Variants in BID observed in about 807,000 individuals in gnomAD.
BID encodes BH3 interacting domain death agonist, also known as BH3-interacting domain death agonist.
Under a neutral mutation model 17.4 loss-of-function variants are expected in BID, and 19 were observed. The ratio of observed to expected loss-of-function variants is 1.09; its 90% CI spans 0.76 to 1.60. The LOEUF (loss-of-function observed/expected upper bound fraction) is 1.60. Ranked by LOEUF, BID falls within the 40% of genes most tolerant of loss-of-function variation. The probability of loss-of-function intolerance (pLI) is 0.00; values close to 1 mark genes in which losing one functional copy is unlikely to be tolerated. For synonymous variants in BID, 108 were observed against 102.8 expected (o/e 1.05, Z -0.31); for missense variants, 226 against 256.0 (o/e 0.88, Z 0.80).
At chr22:17,742,477 A>ACCCCCC (rs869083367) in intron 3 of BID, among the ~76,000 whole-genome samples, 3 of 57,046 alleles carry the variant, frequency 5.3e-5, no homozygotes, top group African/African-American at 1.1e-4. Context: ...ACCTCCCCCC[A>ACCCCCC]CCCCCCACCC....
At chr22:17,750,753 G>C (rs1396524707) in intron 1 of BID, among the ~76,000 whole-genome samples, 1 of 152,090 alleles carries the variant, frequency 6.6e-6, no homozygotes, top group African/African-American at 2.4e-5. Context: ...GCATGAACTT[G>C]GGAGGGAGAG....
In BID at chr22:17,738,163, T is replaced by C. The variant is rs1245484966; in HGVS notation, c.430A>G (p.Lys144Glu). Residue 144 changes from lysine to glutamate, a missense_variant, in exon 5 of 6, where the codon AAG becomes GAG. Transcript: ENST00000622694. ...GCCAGCACCAGCATGGTCTTCTCCT[T>C]CTCCATGTCTCTAGGGTAGGCCTGC... ...LLQAYPRDME[K>E]EKTMLVLALL... 5.6e-6 allele frequency: 9 copies of C among 1,613,560 alleles called. No individual in the cohort carries two copies. The highest frequency in any genetic ancestry group is 2.2e-5 in the East Asian group (1 of 44,870).
chr22:17,741,567 G>T (rs184217080), intron 3 of BID, among the ~76,000 whole-genome samples: 1 of 150,916 alleles, frequency 6.6e-6, no homozygotes, highest in Non-Finnish European at 1.5e-5. Flanking sequence ...TCCGCTTCCC[G>T]GGTTCAAACA....
Position 17,757,346 on chromosome 22 carries a change from C to T in BID, c.-58-7172G>A, listed in dbSNP as rs144266167. ...TGAGCCCGGGAGGTGGAGGTTACAG[C>T]GAGCTGAGATCACGCCACTGCACTC... On this transcript the variant is annotated intron_variant, in intron 1 of 5. Coordinates refer to ENST00000622694, the MANE Select transcript of BID (RefSeq NM_001196.4). 6.3e-3 allele frequency among the ~76,000 whole-genome samples: 869 copies of T among 137,172 alleles called. 10 individuals are homozygous for T. The highest frequency in any genetic ancestry group is 0.022 in the African/African-American group (789 of 36,128). The allele number at this position is 137,172 out of a possible 152,430, so 90.0% of individuals were successfully genotyped here.
intron 2 of BID, among the ~76,000 whole-genome samples, chr22:17,746,321 G>A (rs2061494966): frequency 6.6e-6 from 1 of 152,110 alleles, no homozygotes; most frequent in South Asian, 2.1e-4. Flanking sequence ...TGACAAACAT[G>A]TACACGTGCC....
At chr22:17,767,615 C>CTGA (rs1163711687) in intron 1 of BID, among the ~76,000 whole-genome samples, 2 of 152,204 alleles carry the variant, frequency 1.3e-5, no homozygotes, top group Non-Finnish European at 2.9e-5. Context: ...CCACAGAGAA[C>CTGA]TGATCTCTGT....
intron 5 of BID, among the ~76,000 whole-genome samples, chr22:17,735,925 C>G (rs931630359): frequency 6.6e-6 from 1 of 152,178 alleles, no homozygotes; most frequent in African/African-American, 2.4e-5. Context: ...ACCCTTTCCC[C>G]CTTTACATGG....
intron 2 of BID, 84 bp from the exon 3 acceptor site, chr22:17,744,097 C>A: frequency 7.9e-7 from 1 of 1,265,324 alleles, no homozygotes; most frequent in Non-Finnish European, 1.1e-6. Flanking sequence ...GCAGCTGGCC[C>A]AAAGAGCCTC....
chr22:17,749,212 G>C (rs894906031), intron 2 of BID, among the ~76,000 whole-genome samples: 1 of 152,182 alleles, frequency 6.6e-6, no homozygotes, highest in Non-Finnish European at 1.5e-5. Context: ...GTGATGCAGC[G>C]GGTGGGAGAG....
rs535416642 is a variant in BID at position 17,754,013 on chromosome 22, C to T, written c.-58-3839G>A. On this transcript the variant is annotated intron_variant, in intron 1 of 5. Coordinates refer to ENST00000622694, the MANE Select transcript of BID (RefSeq NM_001196.4). ...CTGCCGGACAGGGGTGACATTCCCC[C>T]AGTCTCCAGGACTCTGCCGGACGGG... Among the ~76,000 whole-genome samples the T allele has an allele frequency of 3.3e-5, 5 of 152,060 alleles. No homozygotes were observed. The East Asian group carries it at 9.7e-4, about 30-fold the overall frequency.
Position 17,735,571 on chromosome 22 carries a change from A to G in BID, c.*9T>C, listed in dbSNP as rs1238709610. On this transcript the variant is annotated 3_prime_UTR_variant, in exon 6 of 6. Coordinates refer to ENST00000622694, the MANE Select transcript of BID (RefSeq NM_001196.4). Reference sequence around the variant, plus strand: ...AGCTTTAGCCAGTCACACTTCTGGAACTGTCCGTTCAGTCCATCCCCTAGA... The same window carrying G: ...AGCTTTAGCCAGTCACACTTCTGGAGCTGTCCGTTCAGTCCATCCCCTAGA... 2.5e-6 allele frequency: 4 copies of G among 1,614,188 alleles called. No homozygotes were observed. Among genetic ancestry groups the G allele is most frequent in the Non-Finnish European group, 3.4e-6 (4 of 1,180,036 alleles).
chr22:17,764,430 C>G lies in BID; in HGVS notation c.-59+9951G>C, dbSNP rs562527611. ...AAAGAGTAAGGCTCTTGAGCCCACA[C>G]CTGGGCAAGTAGAAATAGTGTCCAA... On this transcript the variant is annotated intron_variant, in intron 1 of 5. Transcript: ENST00000622694. 7.9e-5 allele frequency among the ~76,000 whole-genome samples: 12 copies of G among 152,288 alleles called. No individual in the cohort carries two copies. In the East Asian group the frequency reaches 2.3e-3, roughly 29 times the overall value.
At chr22:17,755,041 C>T (rs888245769) in intron 1 of BID, among the ~76,000 whole-genome samples, 3 of 150,852 alleles carry the variant, frequency 2.0e-5, no homozygotes, top group Admixed American at 2.0e-4. Flanking sequence ...GGATTACAGG[C>T]GTGAGCCACC....
intron 3 of BID, chr22:17,740,428 GA>G: frequency 1.0e-5 from 4 of 387,838 alleles, no homozygotes; most frequent in East Asian, 9.6e-5. Context: ...GCCTCTACAA[GA>G]AACTTTTTTT....
chr22:17,772,618 A>AAG (rs1461762736), intron 1 of BID, among the ~76,000 whole-genome samples: 6 of 152,150 alleles, frequency 3.9e-5, no homozygotes, highest in Non-Finnish European at 8.8e-5. Flanking sequence ...GGCAGGCTCC[A>AAG]GTGTCAAATG....
intron 5 of BID, among the ~76,000 whole-genome samples, chr22:17,736,661 C>A (rs139985962): frequency 6.6e-6 from 1 of 152,266 alleles, no homozygotes; most frequent in East Asian, 1.9e-4. Flanking sequence ...TGTTTTTGTT[C>A]AGGCTGGAGT....
At chr22:17,752,606 G>A (rs2061547687) in intron 1 of BID, among the ~76,000 whole-genome samples, 1 of 152,200 alleles carries the variant, frequency 6.6e-6, no homozygotes, top group Admixed American at 6.5e-5. Flanking sequence ...CCCAGTGTTG[G>A]GCATGTGAAT....
rs757034813 is a variant in BID, at chr22:17,773,587, G to A, written c.-59+794C>T. 9.3e-6 allele frequency: 15 copies of A among 1,611,864 alleles called. No homozygotes were observed. In the Admixed American group the frequency reaches 1.0e-4, roughly 11 times the overall value. On this transcript the variant is annotated intron_variant, in intron 1 of 5. Coordinates refer to ENST00000622694, the MANE Select transcript of BID (RefSeq NM_001196.4). This position sits in a 1 kb window ranked among gnomAD's most constrained non-coding sequence, Gnocchi z 4.4. The stretch of plus-strand genomic sequence containing the variant: ...GGTGAAGGCCGGTCCAGCCGCAGAA[G>A]GCCCAGCCCCCAGCCCACTTACAGA...
intron 3 of BID, among the ~76,000 whole-genome samples, chr22:17,742,936 G>C (rs2061471017): frequency 6.6e-6 from 1 of 152,238 alleles, no homozygotes; most frequent in South Asian, 2.1e-4. Context: ...GGAGGAGAGT[G>C]CAGGGATCAG....
Sources: gnomAD v4.1 joint callset for allele counts (sites outside exome capture counted in the v4.1 genomes callset) on GRCh38, gnomAD v4.1.1 for gene constraint, Gnocchi (gnomAD v3.1) non-coding constraint, MANE v1.5 for transcripts, NCBI Gene and HGNC (gene_info 2026-07-23, HGNC 2026-07-21) for gene names.